TBL1XR1: variants seen among roughly 807,000 people sequenced by gnomAD.
TBL1XR1 encodes TBL1X/Y related 1.
In TBL1XR1, 5 loss-of-function variants were observed where a neutral mutation model predicts 66.9. The ratio of observed to expected loss-of-function variants is 0.07; its 90% CI spans 0.04 to 0.16. The LOEUF (loss-of-function observed/expected upper bound fraction) is 0.16. Among genes scored for constraint, TBL1XR1 ranks in the 10% least tolerant of loss-of-function variants. The probability of loss-of-function intolerance (pLI) is 1.00; values close to 1 mark genes in which losing one functional copy is unlikely to be tolerated. For missense variants in TBL1XR1, 238 were observed against 623.2 expected, an observed-to-expected ratio of 0.38 and a Z score of 6.58; for synonymous variants, 210 against 206.0, an observed-to-expected ratio of 1.02 and a Z score of -0.17.
At chr3:177,146,709 T>C (rs1033445275) in intron 1 of TBL1XR1, among the ~76,000 whole-genome samples, 1 of 151,156 alleles carries the variant, frequency 6.6e-6, no homozygotes, top group Non-Finnish European at 1.5e-5. Context: ...ACCCAAACTA[T>C]CACGTGAAAT....
At chr3:177,117,451 G>C (rs1726436797) in intron 1 of TBL1XR1, among the ~76,000 whole-genome samples, 1 of 152,148 alleles carries the variant, frequency 6.6e-6, no homozygotes. Flanking sequence ...GCAGATTGCT[G>C]AATTATCTGC....
chr3:177,117,791 A>G (rs573133181), intron 1 of TBL1XR1, among the ~76,000 whole-genome samples: 1 of 152,326 alleles, frequency 6.6e-6, no homozygotes, highest in African/African-American at 2.4e-5. Flanking sequence ...ATTGGGAGAA[A>G]TATAAAGTAA....
intron 3 of TBL1XR1, among the ~76,000 whole-genome samples, chr3:177,061,685 T>C (rs1305777357): frequency 1.3e-5 from 2 of 152,338 alleles, no homozygotes; most frequent in African/African-American, 4.8e-5. Context: ...TCCAGTTTCT[T>C]CGGTATTACT....
chr3:177,094,983 TA>T (rs1183969420), intron 2 of TBL1XR1, among the ~76,000 whole-genome samples: 1 of 148,374 alleles, frequency 6.7e-6, no homozygotes, highest in Non-Finnish European at 1.5e-5. Flanking sequence ...AAAAAAAGAA[TA>T]AAAAAATAAA....
At chr3:177,117,858 A>C (rs1288391842) in intron 1 of TBL1XR1, among the ~76,000 whole-genome samples, 1 of 152,186 alleles carries the variant, frequency 6.6e-6, no homozygotes, top group Non-Finnish European at 1.5e-5. Context: ...GAATGGGTTC[A>C]ATGGGAAGGA....
At chr3:177,032,946 G>A (rs16827730) in intron 14 of TBL1XR1, 25 bp downstream of exon 14, 1 of 1,502,328 alleles carries the variant, frequency 6.7e-7, no homozygotes. Flanking sequence ...AAGAGCACTT[G>A]ACCATTTAAA....
chr3:177,099,297 G>A (rs1204505505), intron 1 of TBL1XR1: 2 of 152,242 alleles, frequency 1.3e-5, no homozygotes, highest in East Asian at 3.9e-4. Context: ...AACCCAGGAG[G>A]CAGAGGTTGC....
intron 1 of TBL1XR1, among the ~76,000 whole-genome samples, chr3:177,157,300 T>G (rs1191445170): frequency 1.3e-5 from 2 of 152,202 alleles, no homozygotes; most frequent in African/African-American, 4.8e-5. Context: ...GGCACCAGCA[T>G]TCCCTTGGCT....
At chr3:177,195,902 G>A (rs1348974440) in intron 1 of TBL1XR1, among the ~76,000 whole-genome samples, 2 of 152,144 alleles carry the variant, frequency 1.3e-5, no homozygotes, top group African/African-American at 2.4e-5. Flanking sequence ...CCTGGTGCCT[G>A]CACAGTCCAA....
rs575375356 is a variant in TBL1XR1 at position 177,138,595 on chromosome 3, G to GA, written c.-121-40055dup. On this transcript the variant is annotated intron_variant, in intron 1 of 15. Transcript: ENST00000457928. Reference sequence around the variant, plus strand: ...TGACAGAGCAAGACCCTGTCTGGGAGAAAAAAAAAGGGAGAGGGGGAAAGT... The same window carrying GA: ...TGACAGAGCAAGACCCTGTCTGGGAGAAAAAAAAAAGGGAGAGGGGGAAAGT... Among the ~76,000 whole-genome samples the GA allele has an allele frequency of 9.2e-5, 12 of 130,604 alleles. No homozygotes were observed. In the South Asian group the frequency reaches 1.7e-3, roughly 19 times the overall value. 85.7% of individuals were successfully genotyped at this position (130,604 alleles called of 152,430 possible).
intron 1 of TBL1XR1, among the ~76,000 whole-genome samples, chr3:177,133,543 G>A (rs1728552584): frequency 6.6e-6 from 1 of 152,104 alleles, no homozygotes; most frequent in Admixed American, 6.5e-5. Context: ...ACACTCATAT[G>A]CAGACACACA....
At chr3:177,123,910 A>G (rs768563402) in intron 1 of TBL1XR1, among the ~76,000 whole-genome samples, 9 of 152,030 alleles carry the variant, frequency 5.9e-5, no homozygotes, top group African/African-American at 9.7e-5. Flanking sequence ...CACGATTTAC[A>G]TTTTCCTACA....
chr3:177,139,057 A>C (rs1729323144), intron 1 of TBL1XR1, among the ~76,000 whole-genome samples: 1 of 152,238 alleles, frequency 6.6e-6, no homozygotes, highest in African/African-American at 2.4e-5. Flanking sequence ...AAATTTGCCA[A>C]AACCTAATAG....
At chr3:177,063,301 C>T (rs753853884) in intron 3 of TBL1XR1, among the ~76,000 whole-genome samples, 1 of 152,086 alleles carries the variant, frequency 6.6e-6, no homozygotes, top group Non-Finnish European at 1.5e-5. Flanking sequence ...CACCACTGAA[C>T]GACAAGGTAG....
intron 14 of TBL1XR1, chr3:177,032,753 G>T: frequency 2.7e-6 from 1 of 374,994 alleles, no homozygotes; most frequent in East Asian, 4.0e-5. Flanking sequence ...AAAAACAAAA[G>T]AATACAATAA....
intron 7 of TBL1XR1, 100 bp downstream of exon 7, chr3:177,049,897 C>T: frequency 2.9e-6 from 4 of 1,382,264 alleles, no homozygotes; most frequent in Non-Finnish European, 3.9e-6. Flanking sequence ...TTAATAAAAC[C>T]CCAAATTCTG....
At chr3:177,047,887 C>A in intron 7 of TBL1XR1, 1 of 239,906 alleles carries the variant, frequency 4.2e-6, no homozygotes. Flanking sequence ...CTGGGAAGAA[C>A]ATCAAATTCA....
intron 2 of TBL1XR1, among the ~76,000 whole-genome samples, chr3:177,097,596 A>G (rs1243409578): frequency 6.6e-6 from 1 of 152,194 alleles, no homozygotes; most frequent in Non-Finnish European, 1.5e-5. Context: ...TTTATATTCT[A>G]CAGTGAAAGG....
At chr3:177,146,918 CT>C (rs1189232367) in intron 1 of TBL1XR1, among the ~76,000 whole-genome samples, 2 of 152,134 alleles carry the variant, frequency 1.3e-5, no homozygotes, top group Non-Finnish European at 1.5e-5. Context: ...AACCATCATA[CT>C]TTTGCATTCA....
Sources: gnomAD v4.1 joint callset for allele counts (sites outside exome capture counted in the v4.1 genomes callset) on GRCh38, gnomAD v4.1.1 for gene constraint, MANE v1.5 for transcripts, NCBI Gene and HGNC (gene_info 2026-07-23, HGNC 2026-07-21) for gene names.